The following FBXW7 variants were observed in gnomAD, a reference collection of about 807,000 sequenced individuals.
FBXW7 encodes the protein F-box and WD repeat domain containing 7.
In FBXW7, 11 loss-of-function variants were observed where a neutral mutation model predicts 86.3. The ratio of observed to expected loss-of-function variants is 0.13; its 90% confidence interval spans 0.08 to 0.21. The LOEUF (loss-of-function observed/expected upper bound fraction) is 0.21. Among genes scored for constraint, FBXW7 ranks in the 10% least tolerant of loss-of-function variants. The pLI is 1.00. For synonymous variants in FBXW7, 313 were observed against 297.9 expected (o/e 1.05, Z -0.52); for missense variants, 488 against 847.4 (o/e 0.58, Z 5.27).
Position 152,332,602 on chromosome 4 carries a change from C to T in FBXW7, c.979G>A (p.Glu327Lys), listed in dbSNP as rs1729668175. 1.2e-6 allele frequency: 2 copies of T among 1,600,126 alleles called. No homozygotes were observed. The highest frequency in any genetic ancestry group is 1.7e-6 in the Non-Finnish European group (2 of 1,171,058). ...DNLLWREKCKEEGIDEPLHIK... is the reference protein window; with the variant it reads ...DNLLWREKCKKEGIDEPLHIK... ...ATGCAATTTTGAACCTTACCCTCTTCTTTGCATTTCTCTCTCCAGAGAAGG... is the reference window on the plus strand; with the variant it reads ...ATGCAATTTTGAACCTTACCCTCTTTTTTGCATTTCTCTCTCCAGAGAAGG... The change falls in exon 8 of 14, where the codon GAA (glutamate) becomes AAA (lysine). Residue 327 changes from glutamate (E) to lysine (K), a missense_variant. Around this residue, in one of 4 missense-constraint regions of FBXW7, gnomAD observed 57 missense variants for 62.8 expected, o/e 0.91. Transcript: ENST00000281708.
Position 152,519,535 on chromosome 4 carries a change from T to C in FBXW7, c.-120+15406A>G, listed in dbSNP as rs114642514. On this transcript the variant is annotated intron_variant, in intron 2 of 13. Coordinates refer to ENST00000281708, the MANE Select transcript of FBXW7 (RefSeq NM_001349798.2). ...ATAAAATCAGTTTTCTCCATAATCT[T>C]AGACAGATTTTGCCTAGATAAATTT... 8.9e-3 allele frequency among the ~76,000 whole-genome samples: 1,358 copies of C among 152,304 alleles called. 16 individuals are homozygous for C. The highest frequency in any genetic ancestry group is 0.042 in the East Asian group (219 of 5,182).
chr4:152,457,967 C>A (rs1359782630), intron 2 of FBXW7, among the ~76,000 whole-genome samples: 2 of 150,300 alleles, frequency 1.3e-5, no homozygotes, highest in South Asian at 2.1e-4. Context: ...TCAGGAAATT[C>A]TTTTAATTTG....
intron 4 of FBXW7, among the ~76,000 whole-genome samples, chr4:152,409,938 A>G (rs1158077226): frequency 6.6e-6 from 1 of 152,184 alleles, no homozygotes; most frequent in Non-Finnish European, 1.5e-5. Flanking sequence ...TAAAAAGGTA[A>G]TCATCATACA....
intron 4 of FBXW7, among the ~76,000 whole-genome samples, chr4:152,380,313 T>C (rs922024304): frequency 6.6e-6 from 1 of 151,928 alleles, no homozygotes; most frequent in Non-Finnish European, 1.5e-5. Context: ...ACAGAAAATG[T>C]AAATCAACTA....
Position 152,323,157 on chromosome 4 carries a change from A to G in FBXW7, c.1856-8T>C, listed in dbSNP as rs1728694844. On this transcript the variant is annotated splice_polypyrimidine_tract_variant and splice_region_variant and intron_variant, in intron 13 of 13. Coordinates refer to ENST00000281708, the MANE Select transcript of FBXW7 (RefSeq NM_001349798.2). ...TCTGATGCTTGTTGGGACCTAGACA[A>G]AAACCAAAAGAATTTAATTACTGGT... 1 of 1,609,634 alleles carries G rather than the reference A, an allele frequency of 6.2e-7. No homozygotes were observed. Among genetic ancestry groups the G allele is most frequent in the Non-Finnish European group, 8.5e-7 (1 of 1,176,838 alleles).
intron 5 of FBXW7, 77 bp downstream of exon 5, chr4:152,349,965 A>G: frequency 1.3e-6 from 1 of 779,926 alleles, no homozygotes; most frequent in South Asian, 2.2e-5. Flanking sequence ...ATTATTCTAC[A>G]AGAATAAACT....
chr4:152,341,475 T>C (rs1220976539), intron 6 of FBXW7, among the ~76,000 whole-genome samples: 1 of 152,254 alleles, frequency 6.6e-6, no homozygotes, highest in Non-Finnish European at 1.5e-5. Context: ...GACTAGAATG[T>C]AGGTTTCAGG....
At chr4:152,364,528 A>G (rs1733279771) in intron 4 of FBXW7, among the ~76,000 whole-genome samples, 1 of 152,194 alleles carries the variant, frequency 6.6e-6, no homozygotes, top group South Asian at 2.1e-4. Context: ...AATACACTTA[A>G]TAAGGGACTA....
intron 2 of FBXW7, among the ~76,000 whole-genome samples, chr4:152,471,501 G>A (rs1379316728): frequency 1.8e-5 from 2 of 109,614 alleles, no homozygotes; most frequent in African/African-American, 7.1e-5. Flanking sequence ...GGGAGGGAAG[G>A]GGAAGGGAAT....
At chr4:152,374,943 G>T (rs1401316955) in intron 4 of FBXW7, among the ~76,000 whole-genome samples, 1 of 152,026 alleles carries the variant, frequency 6.6e-6, no homozygotes, top group East Asian at 1.9e-4. Context: ...TGTTAAGGAG[G>T]TATCAATATA....
chr4:152,401,175 A>G (rs1003591174), intron 4 of FBXW7, among the ~76,000 whole-genome samples: 9 of 152,214 alleles, frequency 5.9e-5, no homozygotes, highest in African/African-American at 2.2e-4. Context: ...GCAATCCTGG[A>G]ATCACACTCC....
intron 7 of FBXW7, among the ~76,000 whole-genome samples, chr4:152,334,830 C>T (rs1266808013): frequency 2.0e-5 from 3 of 152,208 alleles, no homozygotes; most frequent in African/African-American, 7.2e-5. Flanking sequence ...CAACCAAGAA[C>T]TTCGACTTAT....
At chr4:152,335,485 G>A (rs939078482) in intron 7 of FBXW7, among the ~76,000 whole-genome samples, 1 of 152,138 alleles carries the variant, frequency 6.6e-6, no homozygotes, top group Non-Finnish European at 1.5e-5. Flanking sequence ...CGCTATGGTA[G>A]GGAGTTATGG....
intron 4 of FBXW7, among the ~76,000 whole-genome samples, chr4:152,408,638 T>C (rs1737648247): frequency 6.6e-6 from 1 of 152,210 alleles, no homozygotes; most frequent in Non-Finnish European, 1.5e-5. Context: ...TCTTATCACT[T>C]CAAATGGGAC....
intron 4 of FBXW7, among the ~76,000 whole-genome samples, chr4:152,350,470 A>C (rs111354165): frequency 6.6e-6 from 1 of 151,784 alleles, no homozygotes; most frequent in African/African-American, 2.4e-5. Flanking sequence ...ATCCACACAG[A>C]AAATAATCAT....
At position 152,499,860 on chromosome 4, in the gene FBXW7, T is replaced by A. The variant is rs1356661672; in HGVS notation, c.-120+35081A>T. On this transcript the variant is annotated intron_variant, in intron 2 of 13. Coordinates refer to ENST00000281708, the MANE Select transcript of FBXW7 (RefSeq NM_001349798.2). ...TCATACAGATAAAGTAGGATCTTAATAGGCTTCCTCTCTATTTTAGACGTA... is the reference window on the plus strand; with the variant it reads ...TCATACAGATAAAGTAGGATCTTAAAAGGCTTCCTCTCTATTTTAGACGTA... Among the ~76,000 whole-genome samples, 6 of 152,298 alleles carry A rather than the reference T, an allele frequency of 3.9e-5. No homozygotes were observed. The South Asian group carries it at 8.3e-4, about 21-fold the overall frequency.
At chr4:152,523,348 T>C (rs1039529721) in intron 2 of FBXW7, among the ~76,000 whole-genome samples, 1 of 152,044 alleles carries the variant, frequency 6.6e-6, no homozygotes, top group African/African-American at 2.4e-5. Context: ...ATTAAATGTA[T>C]CAGTTAACAA....
intron 4 of FBXW7, among the ~76,000 whole-genome samples, chr4:152,383,477 A>G (rs1231897095): frequency 2.0e-5 from 3 of 152,112 alleles, no homozygotes; most frequent in African/African-American, 7.2e-5. Flanking sequence ...ATTAATCTTT[A>G]TACTATAATC....
intron 2 of FBXW7, among the ~76,000 whole-genome samples, chr4:152,436,691 T>C (rs1388382164): frequency 6.6e-6 from 1 of 152,214 alleles, no homozygotes; most frequent in Non-Finnish European, 1.5e-5. Flanking sequence ...CTGTTGACTT[T>C]AGGTAGAACA....
Sources: allele counts gnomAD v4.1 joint callset (sites outside exome capture counted in the v4.1 genomes callset), GRCh38; gene constraint gnomAD v4.1.1; regional missense constraint gnomAD v4.1.1; transcripts MANE v1.5; gene names NCBI Gene and HGNC (gene_info 2026-07-23, HGNC 2026-07-21).